Variants in SLC28A3 observed in about 807,000 individuals in gnomAD.
SLC28A3 encodes solute carrier family 28 member 3.
SLC28A3 carries 68 observed loss-of-function variants against 84.2 expected under a neutral mutation model. The observed-to-expected ratio is 0.81, with a 90% confidence interval of 0.66 to 0.99. SLC28A3 has a LOEUF of 0.99. Ranked by LOEUF, SLC28A3 falls within the 50% of genes least tolerant of loss-of-function variation. The probability of loss-of-function intolerance (pLI) is 0.00; values close to 1 mark genes in which losing one functional copy is unlikely to be tolerated. For missense variants in SLC28A3, 712 were observed against 841.5 expected, an observed-to-expected ratio of 0.85 and a Z score of 1.90; for synonymous variants, 267 against 303.6, an observed-to-expected ratio of 0.88 and a Z score of 1.25.
At chr9:84,333,939 T>C (rs1220543779) in intron 1 of SLC28A3, among the ~76,000 whole-genome samples, 1 of 152,234 alleles carries the variant, frequency 6.6e-6, no homozygotes, top group Non-Finnish European at 1.5e-5. Flanking sequence ...AGTTGTGGAA[T>C]ATTTACATGG....
intron 3 of SLC28A3, among the ~76,000 whole-genome samples, chr9:84,308,170 G>A (rs1825867261): frequency 6.6e-6 from 1 of 152,174 alleles, no homozygotes; most frequent in African/African-American, 2.4e-5. Flanking sequence ...GAGCCCAGGA[G>A]GTCGAGGCTG....
chr9:84,361,208 G>T, the SLC28A3 span, among the ~76,000 whole-genome samples: 3 of 152,050 alleles, frequency 2.0e-5, no homozygotes, highest in African/African-American at 7.2e-5. Context: ...AGCCGGGTGT[G>T]GTTGTGGGCG....
At chr9:84,280,920 G>A (rs767711336) in intron 14 of SLC28A3, 38 bp from the exon 15 acceptor site, 2 of 1,597,722 alleles carry the variant, frequency 1.3e-6, no homozygotes, top group Non-Finnish European at 1.7e-6. Flanking sequence ...TACACAATCT[G>A]AGCTGGCTTA....
chr9:84,280,174 CTTTTTTT>C, intron 15 of SLC28A3, 101 bp from the exon 16 acceptor site: 1 of 699,786 alleles, frequency 1.4e-6, no homozygotes, highest in Non-Finnish European at 2.2e-6. Context: ...GGTCAGCTGA[CTTTTTTT>C]TTTTTTTCTT....
intron 1 of SLC28A3, among the ~76,000 whole-genome samples, chr9:84,328,156 T>TACACACACAC (rs71498096): frequency 0.087 from 11,468 of 131,740 alleles, 609 homozygotes; most frequent in Middle Eastern, 0.17. Flanking sequence ...GGGAAAAGAC[T>TACACACACAC]ACACACACAC....
chr9:84,336,066 TA>T (rs562485054), intron 1 of SLC28A3, among the ~76,000 whole-genome samples: 1,456 of 119,940 alleles, frequency 0.012, 14 homozygotes, highest in African/African-American at 0.037. Context: ...AAAGTAATAT[TA>T]AAAAAAAAAA....
At chr9:84,333,493 T>C (rs1330908055) in intron 1 of SLC28A3, among the ~76,000 whole-genome samples, 1 of 152,132 alleles carries the variant, frequency 6.6e-6, no homozygotes, top group African/African-American at 2.4e-5. Flanking sequence ...TAAGGAACTC[T>C]TTCAAATAAA....
chr9:84,347,037 G>T, the SLC28A3 span, among the ~76,000 whole-genome samples: 3 of 151,752 alleles, frequency 2.0e-5, no homozygotes, highest in East Asian at 5.8e-4. Context: ...CTAGCCGGAC[G>T]TGGTAGTGGG....
At chr9:84,318,361 G>C (rs567903904) in intron 1 of SLC28A3, among the ~76,000 whole-genome samples, 1 of 152,104 alleles carries the variant, frequency 6.6e-6, no homozygotes, top group Non-Finnish European at 1.5e-5. Context: ...ATGCTGCTGT[G>C]AGTGGCTGTA....
intron 1 of SLC28A3, among the ~76,000 whole-genome samples, chr9:84,323,904 G>A (rs1442340282): frequency 1.3e-5 from 2 of 152,076 alleles, no homozygotes; most frequent in East Asian, 3.9e-4. Context: ...CTCTCGCCAA[G>A]GTCTAGGCCT....
At chr9:84,351,525 G>A in the SLC28A3 span, among the ~76,000 whole-genome samples, 1 of 152,038 alleles carries the variant, frequency 6.6e-6, no homozygotes, top group Non-Finnish European at 1.5e-5. Flanking sequence ...TGGGCATGGT[G>A]GCATGCGCCT....
intron 11 of SLC28A3, among the ~76,000 whole-genome samples, chr9:84,288,865 T>C (rs1032711129): frequency 2.0e-5 from 3 of 152,066 alleles, no homozygotes; most frequent in Non-Finnish European, 2.9e-5. Context: ...TCATTTTAGA[T>C]AGGGGATGGG....
intron 1 of SLC28A3, among the ~76,000 whole-genome samples, chr9:84,316,896 G>A (rs575032029): frequency 4.6e-5 from 7 of 152,232 alleles, no homozygotes; most frequent in African/African-American, 1.7e-4. Flanking sequence ...AGCTACTTGG[G>A]AGGCTGAGGC....
the SLC28A3 span, among the ~76,000 whole-genome samples, chr9:84,360,096 C>A: frequency 1.3e-5 from 2 of 151,472 alleles, no homozygotes; most frequent in African/African-American, 4.9e-5. Flanking sequence ...GAACCTTGAA[C>A]CTGTAAGGCT....
At chr9:84,279,940 G>A (rs375802600) in intron 16 of SLC28A3, 35 bp downstream of exon 16, 2 of 1,601,092 alleles carry the variant, frequency 1.2e-6, no homozygotes, top group Admixed American at 1.7e-5. Context: ...CATTCATCCT[G>A]TGGGCACTGG....
At chr9:84,336,638 A>T (rs767917746) in intron 1 of SLC28A3, among the ~76,000 whole-genome samples, 52 of 152,110 alleles carry the variant, frequency 3.4e-4, no homozygotes, top group Non-Finnish European at 6.6e-4. Flanking sequence ...ATCATACCAT[A>T]GCACTCCAGC....
intron 8 of SLC28A3, among the ~76,000 whole-genome samples, chr9:84,294,715 T>C (rs1206029950): frequency 6.6e-6 from 1 of 152,054 alleles, no homozygotes; most frequent in Non-Finnish European, 1.5e-5. Flanking sequence ...TGACACATAG[T>C]GCCTCCTACT....
rs1824557657 is a variant in SLC28A3 at position 84,277,251 on chromosome 9, T to TA, written c.*966dup. 1 of 152,250 alleles carries TA rather than the reference T, an allele frequency of 6.6e-6. No homozygotes were observed. Among genetic ancestry groups the TA allele is most frequent in the South Asian group, 2.1e-4 (1 of 4,834 alleles). The allele number at this position is 152,250 out of a possible 1,614,324, so 9.4% of individuals were successfully genotyped here. On this transcript the variant is annotated 3_prime_UTR_variant, in exon 18 of 18. Transcript: ENST00000376238. ...CTTGAAGGGAGACATGGATATTATG[T>TA]ACCCTTATGGTGTATCATATTACTT...
chr9:84,304,473 A>C (rs866081800), intron 4 of SLC28A3, among the ~76,000 whole-genome samples: 3 of 151,088 alleles, frequency 2.0e-5, no homozygotes, highest in East Asian at 2.0e-4. Flanking sequence ...AAAAAAAAAA[A>C]CAAAAACAAA....
Sources: allele counts gnomAD v4.1 joint callset (sites outside exome capture counted in the v4.1 genomes callset), GRCh38; gene constraint gnomAD v4.1.1; transcripts MANE v1.5; gene names NCBI Gene and HGNC (gene_info 2026-07-23, HGNC 2026-07-21).